Variants in ILRUN observed in about 807,000 individuals in gnomAD.
The protein encoded by ILRUN is inflammation and lipid regulator with UBA-like and NBR1-like domains.
ILRUN carries 3 observed loss-of-function variants against 33.8 expected under a neutral mutation model. The ratio of observed to expected loss-of-function variants is 0.09; its 90% CI spans 0.04 to 0.23. ILRUN has a LOEUF of 0.23. ILRUN is among the 10% of genes least tolerant of loss of function. The probability of loss-of-function intolerance (pLI) is 1.00; values close to 1 mark genes in which losing one functional copy is unlikely to be tolerated. For missense variants in ILRUN, 210 were observed against 375.1 expected, an observed-to-expected ratio of 0.56 and a Z score of 3.64; for synonymous variants, 124 against 138.9, an observed-to-expected ratio of 0.89 and a Z score of 0.75.
At chr6:34,692,715 C>T (rs763170454) in intron 1 of ILRUN, among the ~76,000 whole-genome samples, 36 of 151,934 alleles carry the variant, frequency 2.4e-4, no homozygotes, top group South Asian at 6.2e-4. Flanking sequence ...CAAGATTGAG[C>T]CCAAGAGTTC....
chr6:34,675,831 A>G (rs1003243521), intron 1 of ILRUN, among the ~76,000 whole-genome samples: 7 of 152,188 alleles, frequency 4.6e-5, no homozygotes, highest in African/African-American at 1.7e-4. Flanking sequence ...CAAAAGGCCA[A>G]TAAAGATATG....
chr6:34,655,160 AAGAG>A (rs1562020011), intron 1 of ILRUN, among the ~76,000 whole-genome samples: 3 of 152,136 alleles, frequency 2.0e-5, no homozygotes, highest in Admixed American at 6.6e-5. Flanking sequence ...TATTAAAAAA[AAGAG>A]AGAGAGACAG....
At chr6:34,683,929 T>C (rs1164291633) in intron 1 of ILRUN, among the ~76,000 whole-genome samples, 2 of 151,794 alleles carry the variant, frequency 1.3e-5, no homozygotes, top group Non-Finnish European at 2.9e-5. Flanking sequence ...CCGGCCATGG[T>C]GGCAGGTGCC....
chr6:34,659,690 C>T lies in ILRUN; in HGVS notation c.159-4911G>A, dbSNP rs1193211288. ...AGGCTGGAGTGCAGTGGTGCTATCT[C>T]GGCTCACTGCAACCTCCACCTCCCG... On this transcript the variant is annotated intron_variant, in intron 1 of 4. Coordinates refer to ENST00000374023, the MANE Select transcript of ILRUN (RefSeq NM_024294.4). Among the ~76,000 whole-genome samples, 9 of 135,860 alleles carry T rather than the reference C, an allele frequency of 6.6e-5. No homozygotes were observed. In the South Asian group the frequency reaches 1.2e-3, roughly 18 times the overall value. The allele number at this position is 135,860 out of a possible 152,430, so 89.1% of individuals were successfully genotyped here. A position where few individuals can be genotyped will look rare whatever the true frequency, so the allele number is the denominator to read the frequency against.
intron 4 of ILRUN, among the ~76,000 whole-genome samples, chr6:34,602,347 C>A (rs1225666337): frequency 1.3e-5 from 2 of 152,278 alleles, no homozygotes; most frequent in Middle Eastern, 3.4e-3. Flanking sequence ...TAAAGGCCTT[C>A]TTAGAAAACA....
At chr6:34,657,847 A>G (rs1056146938) in intron 1 of ILRUN, among the ~76,000 whole-genome samples, 5 of 152,252 alleles carry the variant, frequency 3.3e-5, no homozygotes, top group Non-Finnish European at 7.3e-5. Flanking sequence ...ATTATTAGCC[A>G]ACAAGTAATT....
intron 3 of ILRUN, among the ~76,000 whole-genome samples, chr6:34,621,618 G>C (rs1190150026): frequency 6.6e-6 from 1 of 152,104 alleles, no homozygotes; most frequent in Non-Finnish European, 1.5e-5. Context: ...CAGCACTTTG[G>C]GTGGCCGAGG....
In ILRUN at chr6:34,673,832, T is replaced by TACACACACACAC. The variant is rs71000079; in HGVS notation, c.159-19065_159-19054dup. Among the ~76,000 whole-genome samples, 13 of 111,272 alleles carry TACACACACACAC rather than the reference T, an allele frequency of 1.2e-4. 1 individual carries two copies. Among genetic ancestry groups the TACACACACACAC allele is most frequent in the East Asian group, 1.0e-3 (4 of 3,816 alleles). The allele number at this position is 111,272 out of a possible 152,430, so 73.0% of individuals were successfully genotyped here. ...TGTCTCAAAAACAGTAACAACCACATACACACACACACACACACACACACA... is the reference window on the plus strand; with the variant it reads ...TGTCTCAAAAACAGTAACAACCACATACACACACACACACACACACACACACACACACACACA... On this transcript the variant is annotated intron_variant, in intron 1 of 4. Transcript: ENST00000374023.
chr6:34,669,011 T>C (rs1034837376), intron 1 of ILRUN, among the ~76,000 whole-genome samples: 4 of 151,938 alleles, frequency 2.6e-5, no homozygotes, highest in Non-Finnish European at 5.9e-5. Context: ...ACCTGGCTAA[T>C]TTTTTGTATT....
intron 3 of ILRUN, among the ~76,000 whole-genome samples, chr6:34,626,157 A>AT (rs1178589968): frequency 2.6e-5 from 4 of 151,814 alleles, no homozygotes; most frequent in South Asian, 2.1e-4. Context: ...GCCAGGAGGC[A>AT]TTTTTTAACA....
chr6:34,602,267 C>T (rs1761525416), intron 4 of ILRUN, among the ~76,000 whole-genome samples: 1 of 152,104 alleles, frequency 6.6e-6, no homozygotes, highest in African/African-American at 2.4e-5. Context: ...AGAACAGCCC[C>T]TCGATTCTGC....
chr6:34,630,860 T>C (rs1273980765), intron 3 of ILRUN, among the ~76,000 whole-genome samples: 1 of 152,222 alleles, frequency 6.6e-6, no homozygotes, highest in African/African-American at 2.4e-5. Context: ...AGTTTTGGAA[T>C]TTCTACTGAC....
At chr6:34,677,086 T>C (rs2064254) in intron 1 of ILRUN, among the ~76,000 whole-genome samples, 102,908 of 151,702 alleles carry the variant, frequency 0.68, 36,789 homozygotes, top group African/African-American at 0.93. Flanking sequence ...GCAGGCAGAT[T>C]ACCTGAGGTC....
intron 1 of ILRUN, among the ~76,000 whole-genome samples, chr6:34,658,577 C>A (rs1237078377): frequency 1.4e-5 from 2 of 148,006 alleles, no homozygotes; most frequent in African/African-American, 5.0e-5. Flanking sequence ...GAGGCCGAGG[C>A]GGGCAGATCG....
intron 3 of ILRUN, among the ~76,000 whole-genome samples, chr6:34,633,577 G>A (rs1387664642): frequency 6.6e-6 from 1 of 152,006 alleles, no homozygotes; most frequent in Admixed American, 6.6e-5. Flanking sequence ...ATCAGCCAGT[G>A]TGGTAGCTCA....
chr6:34,670,319 A>G (rs1330182657), intron 1 of ILRUN, among the ~76,000 whole-genome samples: 1 of 152,218 alleles, frequency 6.6e-6, no homozygotes, highest in Non-Finnish European at 1.5e-5. Flanking sequence ...TGGAGTAACG[A>G]AAGTGTTCTA....
intron 4 of ILRUN, among the ~76,000 whole-genome samples, chr6:34,603,264 G>A (rs1401270200): frequency 6.6e-6 from 1 of 152,174 alleles, no homozygotes; most frequent in South Asian, 2.1e-4. Context: ...TGTAATCCCA[G>A]CACTTTGGGA....
chr6:34,687,627 G>A (rs1581559808), intron 1 of ILRUN, among the ~76,000 whole-genome samples: 2 of 150,130 alleles, frequency 1.3e-5, no homozygotes, highest in South Asian at 4.2e-4. Flanking sequence ...GAATCCAGGA[G>A]ATGGAGGTTG....
In ILRUN at chr6:34,646,058, A is replaced by C. The variant is rs1582074928; in HGVS notation, c.511+543T>G. On this transcript the variant is annotated intron_variant, in intron 3 of 4. Transcript: ENST00000374023. The surrounding 1 kb of genome is among the most constrained non-coding windows in gnomAD (Gnocchi z 4.9). ...AGGCTACTGGATTTGGAAACAGGGTAGTCCCTGATTAACTTTCATTGGAGT... is the reference window on the plus strand; with the variant it reads ...AGGCTACTGGATTTGGAAACAGGGTCGTCCCTGATTAACTTTCATTGGAGT... Among the ~76,000 whole-genome samples the C allele has an allele frequency of 6.6e-6, 1 of 152,258 alleles. No homozygotes were observed. The highest frequency in any genetic ancestry group is 1.5e-5 in the Non-Finnish European group (1 of 68,042).
Sources: allele counts gnomAD v4.1 joint callset (sites outside exome capture counted in the v4.1 genomes callset), GRCh38; gene constraint gnomAD v4.1.1; non-coding constraint Gnocchi (gnomAD v3.1); transcripts MANE v1.5; gene names NCBI Gene and HGNC (gene_info 2026-07-23, HGNC 2026-07-21).